The following KLHL10 variants were observed in gnomAD, a reference collection of about 807,000 sequenced individuals.
KLHL10 encodes the protein kelch-like protein 10.
Under a neutral mutation model 46.6 loss-of-function variants are expected in KLHL10, and 11 were observed. The ratio of observed to expected loss-of-function variants is 0.24; its 90% CI spans 0.15 to 0.39. The LOEUF (loss-of-function observed/expected upper bound fraction) is 0.39, where lower values mean the gene tolerates loss of function less well. Among genes scored for constraint, KLHL10 ranks in the 10% least tolerant of loss-of-function variants. The pLI is 1.00. For missense variants in KLHL10, 475 were observed against 789.8 expected, an observed-to-expected ratio of 0.60 and a Z score of 4.78; for synonymous variants, 254 against 279.1, an observed-to-expected ratio of 0.91 and a Z score of 0.90.
chr17:41,848,296 C>T lies in KLHL10; in HGVS notation c.1816C>T (p.Leu606=). The stretch of plus-strand genomic sequence containing the variant: ...AAAATATTCTGCTTCGACAAGTACC[C>T]TACCTGTATGAGCCTCTTCATTTAG... The part of the protein sequence containing the change: ...EVKYSASTST[L]PV The change falls in exon 5 of 5, where the codon CTA becomes TTA. Residue 606 remains leucine (L), a synonymous_variant. Coordinates refer to ENST00000293303, the MANE Select transcript of KLHL10 (RefSeq NM_152467.5). 1 of 1,609,962 alleles carries T rather than the reference C, an allele frequency of 6.2e-7. No homozygotes were observed. Among genetic ancestry groups the T allele is most frequent in the Non-Finnish European group, 8.5e-7 (1 of 1,179,902 alleles).
rs2048301855 is a variant in KLHL10, at chr17:41,847,507, A to G, written c.1452+97A>G. 3 of 1,503,028 alleles carry G rather than the reference A, an allele frequency of 2.0e-6. No homozygotes were observed. In the South Asian group the frequency reaches 3.4e-5, roughly 17 times the overall value. 93.1% of individuals were successfully genotyped at this position (1,503,028 alleles called of 1,614,324 possible). A position where few individuals can be genotyped will look rare whatever the true frequency, so the allele number is the denominator to read the frequency against. On this transcript the variant is annotated intron_variant, in intron 4 of 4. Transcript: ENST00000293303. ...ATGCTACTATTGGTAAGTATTTGAA[A>G]AGCTTTTTTTTTTTTTGAGATGGAG... is the stretch of plus-strand genomic sequence containing the variant.
At chr17:41,841,464 G>A (rs1597935265) in intron 1 of KLHL10, among the ~76,000 whole-genome samples, 2 of 152,174 alleles carry the variant, frequency 1.3e-5, no homozygotes, top group South Asian at 2.1e-4. Flanking sequence ...ACAGGCATGT[G>A]CCACCATGCC....
intron 1 of KLHL10, among the ~76,000 whole-genome samples, chr17:41,839,164 G>C (rs2048201834): frequency 6.6e-6 from 1 of 152,098 alleles, no homozygotes; most frequent in Non-Finnish European, 1.5e-5. Context: ...GCTAATTTTT[G>C]TGTTTTTAGT....
At position 41,845,580 on chromosome 17, in the gene KLHL10, G is replaced by A; in HGVS notation, c.1139G>A (p.Ser380Asn). The stretch of plus-strand genomic sequence containing the variant: ...ATGCACTCCAGACGTTGCTATGTCA[G>A]TGTGACAGTCCTCGGCAATTTTATT... The part of the protein sequence containing the change: ...APMHSRRCYV[S>N]VTVLGNFIYA... The change falls in exon 3 of 5, where the codon AGT (serine) becomes AAT (asparagine). Residue 380 changes from serine to asparagine, a missense_variant. Transcript: ENST00000293303. The A allele has an allele frequency of 6.2e-7, 1 of 1,614,234 alleles. No individual in the cohort carries two copies. The highest frequency in any genetic ancestry group is 8.5e-7 in the Non-Finnish European group (1 of 1,180,030).
upstream of KLHL10, chr17:41,837,569 G>A: frequency 1.8e-6 from 2 of 1,082,878 alleles, no homozygotes; most frequent in Non-Finnish European, 1.1e-6. Flanking sequence ...GAATGCTCCA[G>A]GGATAGAGAC....
upstream of KLHL10, chr17:41,835,895 C>A: frequency 1.2e-6 from 2 of 1,609,254 alleles, no homozygotes; most frequent in South Asian, 2.2e-5. Flanking sequence ...GGAGGGCGCC[C>A]ACGATCTCCT....
chr17:41,838,272 T>C, intron 1 of KLHL10, 146 bp downstream of exon 1: 1 of 705,256 alleles, frequency 1.4e-6, no homozygotes. Context: ...AAAAAAATTT[T>C]TTTTTTAGAG....
At chr17:41,845,982 C>G (rs2048280469) in intron 3 of KLHL10, among the ~76,000 whole-genome samples, 2 of 151,938 alleles carry the variant, frequency 1.3e-5, no homozygotes, top group South Asian at 4.2e-4. Context: ...GAGGCCGAGG[C>G]AAGCAGATCA....
In KLHL10 at chr17:41,845,589, T is replaced by C. The variant is rs781832644; in HGVS notation, c.1148T>C (p.Val383Ala). ...HSRRCYVSVTVLGNFIYAMGG... is the reference protein window; with the variant it reads ...HSRRCYVSVTALGNFIYAMGG... ...AGACGTTGCTATGTCAGTGTGACAG[T>C]CCTCGGCAATTTTATTTATGCCATG... Residue 383 changes from valine to alanine, a missense_variant, in exon 3 of 5, where the codon GTC becomes GCC. Val to Ala is a moderately conservative substitution (Grantham distance 64, BLOSUM62 0). Transcript: ENST00000293303. 1.9e-6 allele frequency: 3 copies of C among 1,614,170 alleles called. No individual in the cohort carries two copies. The highest frequency in any genetic ancestry group is 3.3e-5 in the Admixed American group (2 of 60,030).
upstream of KLHL10, chr17:41,836,116 G>A (rs1555619987): frequency 7.5e-7 from 1 of 1,330,422 alleles, no homozygotes; most frequent in Non-Finnish European, 9.6e-7. Flanking sequence ...CCAGCTGGGG[G>A]GCTCGAAGCG....
intron 1 of KLHL10, 141 bp downstream of exon 1, chr17:41,838,267 A>AT: frequency 3.9e-6 from 3 of 769,946 alleles, no homozygotes; most frequent in Non-Finnish European, 6.4e-6. Flanking sequence ...ATTAAAAAAA[A>AT]ATTTTTTTTT....
chr17:41,845,049 G>A (rs562047457), intron 2 of KLHL10, 77 bp from the exon 3 acceptor site: 9 of 1,572,646 alleles, frequency 5.7e-6, no homozygotes, highest in Admixed American at 5.0e-5. Context: ...AAGGCAGATC[G>A]AAAAATGGGA....
intron 2 of KLHL10, 35 bp from the exon 3 acceptor site, chr17:41,845,091 C>A: frequency 1.2e-6 from 2 of 1,613,984 alleles, no homozygotes; most frequent in Non-Finnish European, 1.7e-6. Context: ...GGCACTCTCA[C>A]GTCACCTGAA....
chr17:41,840,590 G>A (rs1555620615), intron 1 of KLHL10, among the ~76,000 whole-genome samples: 1 of 148,324 alleles, frequency 6.7e-6, no homozygotes, highest in Non-Finnish European at 1.5e-5. Flanking sequence ...GTTGCACTGA[G>A]CCAAGATCAA....
In KLHL10 at chr17:41,842,007, G is replaced by A; in HGVS notation, c.379G>A (p.Gly127Ser). Residue 127 changes from glycine (G) to serine (S), a missense_variant, in exon 2 of 5, where the codon GGT becomes AGT. Coordinates refer to ENST00000293303, the MANE Select transcript of KLHL10 (RefSeq NM_152467.5). ...GTTTAACATCATGGGTATCGTCAGG[G>A]GTTGCTGCGAGTTCCTCAAGTCAGA... ...DQFNIMGIVRGCCEFLKSELC... is the reference protein window; with the variant it reads ...DQFNIMGIVRSCCEFLKSELC... The A allele has an allele frequency of 6.2e-7, 1 of 1,614,124 alleles. No homozygotes were observed. The highest frequency in any genetic ancestry group is 1.1e-5 in the South Asian group (1 of 91,078).
chr17:41,842,754 A>G (rs1266699643), intron 2 of KLHL10, among the ~76,000 whole-genome samples: 1 of 152,066 alleles, frequency 6.6e-6, no homozygotes. Flanking sequence ...CCTGGCCAAC[A>G]TGGTGAAACC....
At chr17:41,835,903 C>A, upstream of KLHL10, 1 of 1,608,704 alleles carries the variant, frequency 6.2e-7, no homozygotes, top group South Asian at 1.1e-5. Context: ...CCCACGATCT[C>A]CTGCACCCGC....
intron 1 of KLHL10, 179 bp from the exon 2 acceptor site, chr17:41,841,644 A>T (rs556598026): frequency 6.9e-5 from 47 of 683,456 alleles, no homozygotes; most frequent in Admixed American, 4.4e-4. Flanking sequence ...TCAGTTCTAG[A>T]TCTTAATTTC....
intron 3 of KLHL10, among the ~76,000 whole-genome samples, chr17:41,846,536 CAAA>C (rs1286996804): frequency 8.7e-6 from 1 of 115,412 alleles, no homozygotes; most frequent in Non-Finnish European, 1.9e-5. Context: ...ACTCCGTCTC[CAAA>C]AAAAAAAAAA....
Sources: gnomAD v4.1 joint callset for allele counts (sites outside exome capture counted in the v4.1 genomes callset) on GRCh38, gnomAD v4.1.1 for gene constraint, MANE v1.5 for transcripts, NCBI Gene and HGNC (gene_info 2026-07-23, HGNC 2026-07-21) for gene names.